The following EXO1 variants were observed in gnomAD, a reference collection of about 807,000 sequenced individuals.
EXO1 encodes the protein exonuclease 1.
EXO1 carries 69 observed loss-of-function variants against 84.5 expected under a neutral mutation model. The ratio of observed to expected loss-of-function variants is 0.82; its 90% confidence interval spans 0.67 to 1.00. EXO1 has a LOEUF of 1.00. Among genes scored for constraint, EXO1 ranks in the 50% least tolerant of loss-of-function variants. The pLI, the probability that EXO1 is intolerant of heterozygous loss-of-function variation, is 0.00. For missense variants in EXO1, 1,045 were observed against 1,000.7 expected (o/e 1.04, Z -0.60); for synonymous variants, 373 against 366.1 (o/e 1.02, Z -0.21).
chr1:241,868,677 G>A (rs1483461591), intron 11 of EXO1, among the ~76,000 whole-genome samples: 1 of 152,130 alleles, frequency 6.6e-6, no homozygotes, highest in African/African-American at 2.4e-5. Flanking sequence ...CAAATAAAAA[G>A]TAAAAAGTCT....
chr1:241,865,215 C>CT (rs76945375), intron 10 of EXO1, among the ~76,000 whole-genome samples: 10,350 of 137,952 alleles, frequency 0.075, 587 homozygotes, highest in Admixed American at 0.18. Context: ...TTGAATATCT[C>CT]TTTTTTTTTT....
chr1:241,879,432 T>A (rs1662613134), intron 13 of EXO1, 89 bp downstream of exon 13: 1 of 739,450 alleles, frequency 1.4e-6, no homozygotes, highest in Non-Finnish European at 2.3e-6. Flanking sequence ...TTCCTACATG[T>A]GAATGACGAG....
intron 10 of EXO1, among the ~76,000 whole-genome samples, chr1:241,865,839 A>G (rs932866270): frequency 6.6e-6 from 1 of 152,298 alleles, no homozygotes; most frequent in Admixed American, 6.5e-5. Flanking sequence ...ATCTTTTTAT[A>G]TTCGTTCCCT....
Position 241,849,116 on chromosome 1 carries a change from A to G in EXO1, c.-118A>G, listed in dbSNP as rs997468531. On this transcript the variant is annotated 5_prime_UTR_variant, in exon 3 of 16. Transcript: ENST00000366548. ...TTTAAAATTCATTCACAGCAGAACTAGTGAATCCCAGTCACTGAGTGGAGT... is the reference window on the plus strand; with the variant it reads ...TTTAAAATTCATTCACAGCAGAACTGGTGAATCCCAGTCACTGAGTGGAGT... 4 of 152,222 alleles carry G rather than the reference A, an allele frequency of 2.6e-5. No individual in the cohort carries two copies. The highest frequency in any genetic ancestry group is 4.4e-5 in the Non-Finnish European group (3 of 68,036). The allele number at this position is 152,222 out of a possible 1,614,324, so 9.4% of individuals were successfully genotyped here.
intron 12 of EXO1, among the ~76,000 whole-genome samples, chr1:241,877,645 A>G (rs1662473279): frequency 6.6e-6 from 1 of 152,176 alleles, no homozygotes; most frequent in Admixed American, 6.5e-5. Context: ...CTGATCATGT[A>G]TAATAGGATA....
Position 241,861,514 on chromosome 1 carries a change from A to C in EXO1, c.1041+12A>C. The C allele has an allele frequency of 1.5e-6, 2 of 1,369,226 alleles. No individual in the cohort carries two copies. The highest frequency in any genetic ancestry group is 2.1e-6 in the Non-Finnish European group (2 of 956,464). 84.8% of individuals were successfully genotyped at this position (1,369,226 alleles called of 1,614,324 possible). ...CAGACACTGCTATGGTAACGTTTTG[A>C]TGACCACCCTATGAAAACACGTTTT... On this transcript the variant is annotated intron_variant, in intron 10 of 15. Coordinates refer to ENST00000366548, the MANE Select transcript of EXO1 (RefSeq NM_130398.4).
rs777457960 is a variant in EXO1 at position 241,889,540 on chromosome 1, G to C, written c.2481G>C (p.Ala827=). The C allele has an allele frequency of 1.9e-6, 3 of 1,613,812 alleles. No individual in the cohort carries two copies. Among genetic ancestry groups the C allele is most frequent in the East Asian group, 2.2e-5 (1 of 44,872 alleles). ...ATAACATCCAACTAACTCCAGAAGC[G>C]GAAGAGGATATATTTAACAAACCTG... The part of the protein sequence containing the change: ...VRDNIQLTPE[A]EEDIFNKPEC... The change falls in exon 16 of 16, where the codon GCG becomes GCC. Residue 827 remains alanine (A), a synonymous_variant. Transcript: ENST00000366548.
intron 6 of EXO1, among the ~76,000 whole-genome samples, chr1:241,857,038 C>T (rs1661088648): frequency 1.3e-5 from 2 of 152,194 alleles, no homozygotes; most frequent in Admixed American, 1.3e-4. Context: ...GAGCCAGACC[C>T]TGTCTCCAAA....
At position 241,866,847 on chromosome 1, in the gene EXO1, T is replaced by G; in HGVS notation, c.1059T>G (p.Ser353Arg). ...PDTAMPAHSR[S>R]HSWDDKTCQK... ...TTTTCTAGCCTGCCCATTCAAGAAG[T>G]CATAGTTGGGATGACAAAACATGTC... The change falls in exon 11 of 16, where the codon AGT (serine) becomes AGG (arginine). Residue 353 changes from serine (S) to arginine (R), a missense_variant. By Grantham distance (110) the Ser-to-Arg change is moderately radical. Transcript: ENST00000366548. The G allele has an allele frequency of 6.2e-7, 1 of 1,612,702 alleles. No individual in the cohort carries two copies. The highest frequency in any genetic ancestry group is 1.1e-5 in the South Asian group (1 of 91,052).
At chr1:241,879,423 T>C in intron 13 of EXO1, 80 bp downstream of exon 13, 1 of 818,924 alleles carries the variant, frequency 1.2e-6, no homozygotes, top group Non-Finnish European at 2.0e-6. Flanking sequence ...AGGAAATTTT[T>C]CCTACATGTG....
At chr1:241,871,102 C>T (rs1662061614) in intron 11 of EXO1, among the ~76,000 whole-genome samples, 2 of 152,124 alleles carry the variant, frequency 1.3e-5, no homozygotes, top group African/African-American at 4.8e-5. Context: ...TGAGGTTAAT[C>T]TGGTGTGGCT....
chr1:241,856,276 T>A (rs1003019137), intron 6 of EXO1, among the ~76,000 whole-genome samples: 2 of 118,542 alleles, frequency 1.7e-5, no homozygotes, highest in African/African-American at 6.6e-5. Context: ...TTTTTTTTTT[T>A]AACTTCCCAA....
intron 11 of EXO1, among the ~76,000 whole-genome samples, chr1:241,869,344 G>T (rs1661938951): frequency 6.6e-6 from 1 of 152,202 alleles, no homozygotes; most frequent in Non-Finnish European, 1.5e-5. Flanking sequence ...ATATTGAACA[G>T]AAGTGCTGAG....
At chr1:241,867,342 GT>G (rs1209444988) in intron 11 of EXO1, among the ~76,000 whole-genome samples, 1 of 152,150 alleles carries the variant, frequency 6.6e-6, no homozygotes, top group African/African-American at 2.4e-5. Flanking sequence ...TGAGAGCCAA[GT>G]GAAAGGGTTT....
At chr1:241,860,320 A>G (rs1661309465) in intron 8 of EXO1, among the ~76,000 whole-genome samples, 197 bp from the exon 9 acceptor site, 1 of 152,178 alleles carries the variant, frequency 6.6e-6, no homozygotes. Context: ...TAATAGAAAA[A>G]CCAAAGAAAA....
intron 12 of EXO1, among the ~76,000 whole-genome samples, chr1:241,875,283 C>T (rs527685139): frequency 1.3e-5 from 2 of 152,158 alleles, no homozygotes; most frequent in African/African-American, 2.4e-5. Flanking sequence ...GGATTACAGG[C>T]GTGAGTCACC....
At chr1:241,879,684 A>G (rs1490406639) in intron 13 of EXO1, among the ~76,000 whole-genome samples, 1 of 152,188 alleles carries the variant, frequency 6.6e-6, no homozygotes, top group Non-Finnish European at 1.5e-5. Flanking sequence ...AATCCTTAAT[A>G]TGCTCTTGAA....
At position 241,885,434 on chromosome 1, in the gene EXO1, C is replaced by CAT. The variant is rs780746564; in HGVS notation, c.2333_2334dup (p.His779IlefsTer46). 1.9e-6 allele frequency: 3 copies of CAT among 1,613,820 alleles called. No homozygotes were observed. In the Admixed American group the frequency reaches 5.0e-5, roughly 27 times the overall value. On this transcript the variant is annotated frameshift_variant, in exon 15 of 16. Coordinates refer to ENST00000366548, the MANE Select transcript of EXO1 (RefSeq NM_130398.4). LOFTEE classifies it high-confidence loss of function. ...GCCGGCAAGCATCCAGAAGAGAAAG[C>CAT]ATCATAATGCCGAGAACAAGCCGGG...
At chr1:241,861,199 G>A (rs1200487717) in intron 9 of EXO1, among the ~76,000 whole-genome samples, 1 of 152,220 alleles carries the variant, frequency 6.6e-6, no homozygotes, top group Non-Finnish European at 1.5e-5. Flanking sequence ...CTGGGCCCTC[G>A]TCAGAAGACA....
Sources: gnomAD v4.1 joint callset for allele counts (sites outside exome capture counted in the v4.1 genomes callset) on GRCh38, gnomAD v4.1.1 for gene constraint, MANE v1.5 for transcripts, NCBI Gene and HGNC (gene_info 2026-07-23, HGNC 2026-07-21) for gene names.